The following LIMCH1 variants were observed in gnomAD, a reference collection of about 807,000 sequenced individuals.
The protein encoded by LIMCH1 is LIM and calponin homology domains-containing protein 1.
LIMCH1 carries 113 observed loss-of-function variants against 176.5 expected under a neutral mutation model. The observed-to-expected ratio is 0.64, with a 90% CI of 0.55 to 0.75. LIMCH1 has a LOEUF of 0.75. Among genes scored for constraint, LIMCH1 ranks in the 30% least tolerant of loss-of-function variants. The probability of loss-of-function intolerance (pLI) is 0.00; values close to 1 mark genes in which losing one functional copy is unlikely to be tolerated. For synonymous variants in LIMCH1, 619 were observed against 645.9 expected (o/e 0.96, Z 0.63); for missense variants, 1,674 against 1,814.9 (o/e 0.92, Z 1.41).
chr4:41,511,077 AC>A (rs1201267747), intron 2 of LIMCH1, among the ~76,000 whole-genome samples: 1 of 152,068 alleles, frequency 6.6e-6, no homozygotes, highest in Non-Finnish European at 1.5e-5. Flanking sequence ...CTTCATCGTG[AC>A]TGGTGGCCTC....
intron 5 of LIMCH1, among the ~76,000 whole-genome samples, chr4:41,615,271 T>C (rs1037887370): frequency 6.6e-6 from 1 of 152,238 alleles, no homozygotes; most frequent in Non-Finnish European, 1.5e-5. Context: ...TAACTGGTAA[T>C]GTAGATTATC....
intron 1 of LIMCH1, among the ~76,000 whole-genome samples, chr4:41,436,309 A>C (rs1582136307): frequency 6.6e-6 from 1 of 152,142 alleles, no homozygotes; most frequent in African/African-American, 2.4e-5. Flanking sequence ...TCTGAACATG[A>C]GTATACCTCC....
At chr4:41,385,392 T>G (rs1451452596) in intron 1 of LIMCH1, among the ~76,000 whole-genome samples, 2 of 152,242 alleles carry the variant, frequency 1.3e-5, no homozygotes, top group African/African-American at 4.8e-5. Context: ...AATTTAGATT[T>G]TTTTTCTAAT....
intron 20 of LIMCH1, 150 bp downstream of exon 20, chr4:41,663,134 C>CGTGTGTGT (rs60475434): frequency 0.017 from 7,064 of 406,194 alleles, 177 homozygotes; most frequent in African/African-American, 0.069. Flanking sequence ...TTTTCTTTTT[C>CGTGTGTGT]GTGTGTGTGT....
chr4:41,485,309 G>C (rs1442224917), intron 1 of LIMCH1, among the ~76,000 whole-genome samples: 1 of 152,058 alleles, frequency 6.6e-6, no homozygotes, highest in African/African-American at 2.4e-5. Context: ...ATCTCCTCTT[G>C]CTTCTGCTTT....
intron 5 of LIMCH1, among the ~76,000 whole-genome samples, chr4:41,615,389 A>G (rs2091950844): frequency 6.6e-6 from 1 of 152,160 alleles, no homozygotes; most frequent in Admixed American, 6.5e-5. Flanking sequence ...ATGAAGTACA[A>G]TTTAGTTTGC....
chr4:41,481,202 G>A (rs2068557192), intron 1 of LIMCH1, among the ~76,000 whole-genome samples: 1 of 152,168 alleles, frequency 6.6e-6, no homozygotes, highest in Non-Finnish European at 1.5e-5. Context: ...AATAACCTCA[G>A]GGCTGGACTT....
At chr4:41,598,360 T>C (rs1296209529) in intron 1 of LIMCH1, among the ~76,000 whole-genome samples, 2 of 152,282 alleles carry the variant, frequency 1.3e-5, no homozygotes. Context: ...TCCCTGTCCT[T>C]TTTTCTCATT....
chr4:41,520,964 C>T (rs2076064640), intron 2 of LIMCH1, among the ~76,000 whole-genome samples: 3 of 152,084 alleles, frequency 2.0e-5, no homozygotes, highest in Admixed American at 6.5e-5. Context: ...GGAGATATTC[C>T]TCCAAGTGGA....
chr4:41,650,339 A>G (rs368072455), intron 17 of LIMCH1, 54 bp from the exon 18 acceptor site: 2 of 1,259,570 alleles, frequency 1.6e-6, no homozygotes, highest in South Asian at 1.2e-5. Flanking sequence ...GTTTTGTTAC[A>G]GTCTTTGATT....
intron 1 of LIMCH1, among the ~76,000 whole-genome samples, chr4:41,413,019 A>G (rs1248693196): frequency 6.6e-6 from 1 of 152,166 alleles, no homozygotes; most frequent in Non-Finnish European, 1.5e-5. Flanking sequence ...AAGCTTATCT[A>G]CCACCTTTGA....
At chr4:41,624,466 C>T (rs1267859290) in intron 7 of LIMCH1, among the ~76,000 whole-genome samples, 1 of 151,932 alleles carries the variant, frequency 6.6e-6, no homozygotes. Flanking sequence ...TATCGGGGAC[C>T]AGTCAGGCAC....
chr4:41,415,608 G>A (rs568645378), intron 1 of LIMCH1, among the ~76,000 whole-genome samples: 1 of 152,256 alleles, frequency 6.6e-6, no homozygotes, highest in South Asian at 2.1e-4. Flanking sequence ...CACCAGCTCT[G>A]TGATGCTTCT....
rs3762911 is a variant in LIMCH1, at chr4:41,670,301, T to C, written c.3398-1253T>C. Among the ~76,000 whole-genome samples, 124 of 152,346 alleles carry C rather than the reference T, an allele frequency of 8.1e-4. No homozygotes were observed. The East Asian group carries it at 0.017, about 21-fold the overall frequency. On this transcript the variant is annotated intron_variant, in intron 21 of 31. Transcript: ENST00000503057. ...CACAGACTTCTATACATAACCTTTA[T>C]GATGTGTAATGTATATGAAATAGTA...
chr4:41,527,848 A>T (rs74739829), intron 3 of LIMCH1, among the ~76,000 whole-genome samples: 1,933 of 149,064 alleles, frequency 0.013, 43 homozygotes, highest in African/African-American at 0.044. Context: ...AAAAAAAAAA[A>T]ACTGCCCCAT....
chr4:41,690,517 G>A (rs1032737511), intron 30 of LIMCH1, among the ~76,000 whole-genome samples: 3 of 152,138 alleles, frequency 2.0e-5, no homozygotes, highest in African/African-American at 4.8e-5. Flanking sequence ...TTTTGAAGGC[G>A]AACCCTCTGT....
chr4:41,533,300 C>T (rs56401407), upstream of LIMCH1, among the ~76,000 whole-genome samples: 2,259 of 152,282 alleles, frequency 0.015, 27 homozygotes, highest in Non-Finnish European at 0.025. Flanking sequence ...CTAGGCCCAG[C>T]CCACATTCAA....
At chr4:41,622,254 T>C (rs2092637993) in intron 7 of LIMCH1, among the ~76,000 whole-genome samples, 1 of 152,220 alleles carries the variant, frequency 6.6e-6, no homozygotes, top group African/African-American at 2.4e-5. Flanking sequence ...GAGACTGGAC[T>C]AGATGCTGAG....
rs1024250439 is a variant in LIMCH1 at position 41,598,895 on chromosome 4, C to T, written c.-240-25C>T. 1.4e-5 allele frequency: 20 copies of T among 1,423,390 alleles called. No homozygotes were observed. In the South Asian group the frequency reaches 2.1e-4, roughly 15 times the overall value. 88.2% of individuals were successfully genotyped at this position (1,423,390 alleles called of 1,614,324 possible). Reference sequence around the variant, plus strand: ...TAAAGATAATCTAAGATAATATAGACTTATATTTCTTTTTTTCCTTCTAGG... The same window carrying T: ...TAAAGATAATCTAAGATAATATAGATTTATATTTCTTTTTTTCCTTCTAGG... On this transcript the variant is annotated intron_variant, in intron 1 of 31. Coordinates refer to ENST00000503057, the MANE Select transcript of LIMCH1 (RefSeq NM_001330672.2).
Sources: gnomAD v4.1 joint callset for allele counts (sites outside exome capture counted in the v4.1 genomes callset) on GRCh38, gnomAD v4.1.1 for gene constraint, MANE v1.5 for transcripts, NCBI Gene and HGNC (gene_info 2026-07-23, HGNC 2026-07-21) for gene names.